The following CFAP92 variants were observed in gnomAD, a reference collection of about 807,000 sequenced individuals.
CFAP92 encodes cilia and flagella associated protein 92 (putative), also known as uncharacterized protein CFAP92.
A neutral mutation model predicts 106.3 loss-of-function variants in CFAP92; 86 were observed. The ratio of observed to expected loss-of-function variants is 0.81; its 90% CI spans 0.68 to 0.97. The LOEUF (loss-of-function observed/expected upper bound fraction) is 0.97, where lower values mean the gene tolerates loss of function less well. Among genes scored for constraint, CFAP92 ranks in the 50% least tolerant of loss-of-function variants. The pLI is 0.00. For missense variants in CFAP92, 1,204 were observed against 1,283.8 expected, an observed-to-expected ratio of 0.94 and a Z score of 0.95; for synonymous variants, 477 against 506.4, an observed-to-expected ratio of 0.94 and a Z score of 0.78.
intron 15 of CFAP92, chr3:128,914,677 G>A (rs781351469): frequency 4.9e-5 from 8 of 163,022 alleles, no homozygotes; most frequent in East Asian, 1.7e-4. Flanking sequence ...CAAGACCTAC[G>A]TTTCCTGTCT....
intron 12 of CFAP92, among the ~76,000 whole-genome samples, chr3:128,927,781 A>C (rs1402960804): frequency 6.6e-6 from 1 of 152,138 alleles, no homozygotes; most frequent in Non-Finnish European, 1.5e-5. Context: ...ACAAAAAGTA[A>C]TTCAATTCAT....
At chr3:129,000,864 T>C (rs553736560) in intron 1 of CFAP92, among the ~76,000 whole-genome samples, 25 of 152,202 alleles carry the variant, frequency 1.6e-4, no homozygotes, top group Non-Finnish European at 2.8e-4. Flanking sequence ...AGCACAGGGC[T>C]CGTCTCAGAT....
chr3:129,002,238 G>C, intron 1 of CFAP92: 1 of 1,529,782 alleles, frequency 6.5e-7, no homozygotes. Context: ...TGCGCGGCTG[G>C]AGGAGGAGAA....
chr3:128,952,423 A>G (rs1009089659), intron 9 of CFAP92, among the ~76,000 whole-genome samples: 11 of 152,200 alleles, frequency 7.2e-5, no homozygotes, highest in Admixed American at 3.9e-4. Context: ...TCATAATGTA[A>G]TACTCAATAT....
chr3:129,021,774 T>TAAG, the CFAP92 span, among the ~76,000 whole-genome samples: 7 of 152,248 alleles, frequency 4.6e-5, no homozygotes, highest in Non-Finnish European at 7.3e-5. Context: ...ACAGACAGGT[T>TAAG]AAAGTATCTG....
At chr3:128,931,242 A>G (rs1005828941) in intron 12 of CFAP92, among the ~76,000 whole-genome samples, 6 of 152,024 alleles carry the variant, frequency 3.9e-5, no homozygotes, top group African/African-American at 1.5e-4. Context: ...GCTGGAATGT[A>G]ATGGCGTGAT....
intron 12 of CFAP92, among the ~76,000 whole-genome samples, chr3:128,916,816 G>A (rs765244957): frequency 6.6e-6 from 1 of 152,234 alleles, no homozygotes; most frequent in South Asian, 2.1e-4. Flanking sequence ...AACACAGAAG[G>A]CTGGGGGGAA....
At chr3:128,947,515 G>A (rs1458614788) in intron 9 of CFAP92, among the ~76,000 whole-genome samples, 1 of 152,210 alleles carries the variant, frequency 6.6e-6, no homozygotes, top group Non-Finnish European at 1.5e-5. Context: ...GCTACTATAA[G>A]CAAGACAGTG....
In CFAP92 at chr3:128,945,583, C is replaced by G. The variant is rs994816971; in HGVS notation, c.1746G>C (p.Leu582=). 3.5e-5 allele frequency: 53 copies of G among 1,535,984 alleles called. No individual in the cohort carries two copies. Among genetic ancestry groups the G allele is most frequent in the Non-Finnish European group, 4.4e-5 (51 of 1,146,916 alleles). The change falls in exon 10 of 16, where the codon CTG becomes CTC. Residue 582 remains leucine (L), a synonymous_variant. Transcript: ENST00000645291. ...CCTCACAGCTGTGGATGGGGACGGCCAGATTCAAGTACTTGTGGCCAAGGA... is the reference window on the plus strand; with the variant it reads ...CCTCACAGCTGTGGATGGGGACGGCGAGATTCAAGTACTTGTGGCCAAGGA... The part of the protein sequence containing the change: ...DLLLGHKYLN[L]AVPIHSCEVQ...
intron 9 of CFAP92, 43 bp from the exon 10 acceptor site, chr3:128,946,018 A>T: frequency 7.4e-7 from 1 of 1,357,210 alleles, no homozygotes; most frequent in Non-Finnish European, 9.6e-7. Flanking sequence ...AGCCACAAGG[A>T]CAGTCACTCA....
chr3:129,023,145 T>G, the CFAP92 span, among the ~76,000 whole-genome samples: 3 of 152,192 alleles, frequency 2.0e-5, no homozygotes, highest in African/African-American at 7.2e-5. Context: ...GAACAAGTCA[T>G]GAATTGGGCA....
chr3:129,015,782 C>T, the CFAP92 span, among the ~76,000 whole-genome samples: 1 of 151,848 alleles, frequency 6.6e-6, no homozygotes. Flanking sequence ...CATCCCGCCC[C>T]CCTACCCCAA....
At chr3:128,997,901 G>A (rs868330357), upstream of CFAP92, among the ~76,000 whole-genome samples, 3 of 152,272 alleles carry the variant, frequency 2.0e-5, no homozygotes, top group South Asian at 6.2e-4. Flanking sequence ...CACAGGGGCT[G>A]CATCATTTTG....
At position 128,962,877 on chromosome 3, in the gene CFAP92, C is replaced by T. The variant is rs1445645499; in HGVS notation, c.1353+2634G>A. Reference sequence around the variant, plus strand: ...ACCAAATTGTTTTGCCTATCCACCCCGTGGTGCCAAACCCATATACTCTCC... The same window carrying T: ...ACCAAATTGTTTTGCCTATCCACCCTGTGGTGCCAAACCCATATACTCTCC... On this transcript the variant is annotated intron_variant, in intron 9 of 15. Transcript: ENST00000645291. Among the ~76,000 whole-genome samples the T allele has an allele frequency of 2.6e-5, 4 of 152,258 alleles. No homozygotes were observed. In the East Asian group the frequency reaches 5.8e-4, roughly 22 times the overall value.
intron 7 of CFAP92, among the ~76,000 whole-genome samples, chr3:128,974,654 C>T (rs563605671): frequency 4.3e-4 from 65 of 151,988 alleles, no homozygotes; most frequent in Admixed American, 1.1e-3. Context: ...AACCCTGTCT[C>T]TACTAAAAAT....
chr3:128,984,914 T>C (rs891569028), intron 4 of CFAP92, among the ~76,000 whole-genome samples: 16 of 152,172 alleles, frequency 1.1e-4, no homozygotes, highest in African/African-American at 3.6e-4. Flanking sequence ...CTGTAAGAAA[T>C]CTTTTTACGT....
rs888140836 is a variant in CFAP92 at position 128,931,383 on chromosome 3, C to A, written c.2751+1317G>T. Among the ~76,000 whole-genome samples the A allele has an allele frequency of 5.9e-5, 9 of 151,842 alleles. No homozygotes were observed. The East Asian group carries it at 1.7e-3, about 29-fold the overall frequency. On this transcript the variant is annotated intron_variant, in intron 12 of 15. Transcript: ENST00000645291. ...GTTTCGCCATGTTGCCCAGGCTGGTCTCGAACTCCTGAGCTTAAGCAACCT... is the reference window on the plus strand; with the variant it reads ...GTTTCGCCATGTTGCCCAGGCTGGTATCGAACTCCTGAGCTTAAGCAACCT...
chr3:129,004,027 C>A, upstream of CFAP92: 1 of 1,510,258 alleles, frequency 6.6e-7, no homozygotes, highest in Non-Finnish European at 8.8e-7. Context: ...AACAGGTGCC[C>A]GGCTTGCAGC....
chr3:128,975,010 T>G (rs1390259984), intron 7 of CFAP92, among the ~76,000 whole-genome samples: 1 of 146,312 alleles, frequency 6.8e-6, no homozygotes. Flanking sequence ...GTCCCAGCTA[T>G]TCGGGAGGCT....
Sources: gnomAD v4.1 joint callset for allele counts (sites outside exome capture counted in the v4.1 genomes callset) on GRCh38, gnomAD v4.1.1 for gene constraint, MANE v1.5 for transcripts, NCBI Gene and HGNC (gene_info 2026-07-23, HGNC 2026-07-21) for gene names.